The following LRRC7 variants were observed in gnomAD, a reference collection of about 807,000 sequenced individuals.
The protein encoded by LRRC7 is leucine rich repeat containing 7.
LRRC7 carries 23 observed loss-of-function variants against 175.7 expected under a neutral mutation model. That is an observed-to-expected ratio of 0.13 (90% CI 0.09 to 0.19). The LOEUF (loss-of-function observed/expected upper bound fraction) is 0.19. Among genes scored for constraint, LRRC7 ranks in the 10% least tolerant of loss-of-function variants. The pLI is 1.00. For missense variants in LRRC7, 1,354 were observed against 1,904.7 expected (o/e 0.71, Z 5.38); for synonymous variants, 685 against 680.9 (o/e 1.01, Z -0.09).
intron 2 of LRRC7, among the ~76,000 whole-genome samples, chr1:69,699,264 G>A (rs890337307): frequency 1.3e-5 from 2 of 152,138 alleles, no homozygotes; most frequent in Non-Finnish European, 2.9e-5. Context: ...AATCCCAACC[G>A]AGTGTGGTGG....
At chr1:69,572,027 TC>T (rs1190715969) in intron 1 of LRRC7, among the ~76,000 whole-genome samples, 1 of 152,158 alleles carries the variant, frequency 6.6e-6, no homozygotes, top group Non-Finnish European at 1.5e-5. Context: ...TCATCCACAT[TC>T]TTTTTTGGAG....
At chr1:69,730,653 C>T (rs12077645) in intron 2 of LRRC7, among the ~76,000 whole-genome samples, 1,603 of 152,252 alleles carry the variant, frequency 0.011, 35 homozygotes, top group African/African-American at 0.038. Context: ...TCCTCCAAGT[C>T]TCTAGGAAGC....
At chr1:70,028,740 A>G (rs964708915) in intron 18 of LRRC7, among the ~76,000 whole-genome samples, 4 of 152,164 alleles carry the variant, frequency 2.6e-5, no homozygotes, top group African/African-American at 9.6e-5. Context: ...TGCAAATCTC[A>G]TAAAATTCCT....
chr1:69,962,753 C>G (rs981299211), intron 8 of LRRC7, among the ~76,000 whole-genome samples: 5 of 152,086 alleles, frequency 3.3e-5, no homozygotes, highest in Admixed American at 6.5e-5. Flanking sequence ...CATATTCTCA[C>G]TTATAAGTGG....
chr1:69,929,952 G>A (rs906293771), intron 7 of LRRC7, among the ~76,000 whole-genome samples: 12 of 151,968 alleles, frequency 7.9e-5, no homozygotes, highest in African/African-American at 2.9e-4. Flanking sequence ...AAATGTCCCT[G>A]CTTTAGAATC....
intron 1 of LRRC7, among the ~76,000 whole-genome samples, chr1:69,666,915 G>T (rs1323216430): frequency 6.6e-6 from 1 of 152,004 alleles, no homozygotes; most frequent in South Asian, 2.1e-4. Context: ...TTTATTTGAA[G>T]TTTTTCTTTT....
chr1:70,008,520 C>T (rs1656197467), intron 11 of LRRC7, among the ~76,000 whole-genome samples: 1 of 152,188 alleles, frequency 6.6e-6, no homozygotes, highest in African/African-American at 2.4e-5. Flanking sequence ...ATCTAGAACA[C>T]AGGTAAAGAA....
intron 23 of LRRC7, among the ~76,000 whole-genome samples, chr1:70,055,159 A>G (rs1169495657): frequency 2.0e-5 from 3 of 152,168 alleles, no homozygotes; most frequent in Non-Finnish European, 2.9e-5. Flanking sequence ...TGATGTGGTT[A>G]ATGCTAAGAT....
intron 5 of LRRC7, among the ~76,000 whole-genome samples, chr1:69,832,413 G>A (rs1680632391): frequency 6.6e-6 from 1 of 152,094 alleles, no homozygotes; most frequent in Admixed American, 6.6e-5. Context: ...TTGTTCCAGT[G>A]TACAACAAAA....
At chr1:69,879,037 T>C (rs1686305539) in intron 7 of LRRC7, among the ~76,000 whole-genome samples, 2 of 150,610 alleles carry the variant, frequency 1.3e-5, no homozygotes, top group African/African-American at 4.9e-5. Flanking sequence ...AACCCTAATG[T>C]AAACTGTGGA....
At chr1:69,698,900 C>T (rs945883301) in intron 2 of LRRC7, among the ~76,000 whole-genome samples, 1 of 152,168 alleles carries the variant, frequency 6.6e-6, no homozygotes, top group East Asian at 1.9e-4. Flanking sequence ...TCCTACCTCA[C>T]TCACCTTCCC....
At chr1:69,610,428 T>C (rs1390520788) in intron 1 of LRRC7, among the ~76,000 whole-genome samples, 1 of 152,034 alleles carries the variant, frequency 6.6e-6, no homozygotes, top group African/African-American at 2.4e-5. Context: ...TTCAGGCACA[T>C]GTCCTTTAGT....
intron 1 of LRRC7, among the ~76,000 whole-genome samples, chr1:69,570,310 G>A (rs1353314563): frequency 6.8e-6 from 1 of 147,270 alleles, no homozygotes; most frequent in East Asian, 2.0e-4. Flanking sequence ...TCCTATAGAA[G>A]GAAAATAATA....
At chr1:69,598,287 C>G (rs532005038) in intron 1 of LRRC7, among the ~76,000 whole-genome samples, 2 of 152,068 alleles carry the variant, frequency 1.3e-5, no homozygotes, top group Non-Finnish European at 2.9e-5. Flanking sequence ...ATGTTTTGAT[C>G]TGGTTTAAAT....
chr1:69,717,834 GAAAGAAAAAAGAAAGAAAGGAAA>G (rs1557641280), intron 2 of LRRC7, among the ~76,000 whole-genome samples: 33 of 30,234 alleles, frequency 1.1e-3, no homozygotes, highest in Admixed American at 1.2e-3. Flanking sequence ...AAGAAAGAAA[GAAAGAAAAAAGAAAGAAAGGAAA>G]GAAAGAAAGA....
At chr1:70,067,103 C>A (rs1204259270) in intron 23 of LRRC7, among the ~76,000 whole-genome samples, 1 of 152,046 alleles carries the variant, frequency 6.6e-6, no homozygotes, top group African/African-American at 2.4e-5. Context: ...CTCTTCGCAT[C>A]TTTTGCCCAT....
intron 1 of LRRC7, among the ~76,000 whole-genome samples, chr1:69,615,897 C>T (rs1049726396): frequency 1.3e-5 from 2 of 152,006 alleles, no homozygotes; most frequent in Non-Finnish European, 2.9e-5. Context: ...CTAAACCCCC[C>T]ACTTACGCCC....
chr1:70,005,249 T>C (rs1278226614), intron 11 of LRRC7, among the ~76,000 whole-genome samples: 1 of 152,190 alleles, frequency 6.6e-6, no homozygotes, highest in Non-Finnish European at 1.5e-5. Context: ...CACGCCTGTC[T>C]CAATATTTTC....
At chr1:69,628,577 T>A (rs1773347) in intron 1 of LRRC7, among the ~76,000 whole-genome samples, 1 of 152,052 alleles carries the variant, frequency 6.6e-6, no homozygotes, top group Non-Finnish European at 1.5e-5. Context: ...TTCTGTGTAA[T>A]CCCAATCAAA....
Sources: allele counts gnomAD v4.1 joint callset (sites outside exome capture counted in the v4.1 genomes callset), GRCh38; gene constraint gnomAD v4.1.1; transcripts MANE v1.5; gene names NCBI Gene and HGNC (gene_info 2026-07-23, HGNC 2026-07-21).